PDGFRL: variants seen among roughly 807,000 people sequenced by gnomAD.
PDGFRL encodes platelet-derived growth factor receptor-like protein.
A neutral mutation model predicts 37.2 loss-of-function variants in PDGFRL; 46 were observed. That is an observed-to-expected ratio of 1.24 (90% CI 0.98 to 1.58). The LOEUF (loss-of-function observed/expected upper bound fraction) is 1.58, where lower values mean the gene tolerates loss of function less well. PDGFRL is among the 40% of genes most tolerant of loss of function. The probability of loss-of-function intolerance (pLI) is 0.00; values close to 1 mark genes in which losing one functional copy is unlikely to be tolerated. For synonymous variants in PDGFRL, 251 were observed against 184.3 expected (o/e 1.36, Z -2.93); for missense variants, 692 against 467.6 (o/e 1.48, Z -4.43).
chr8:17,585,783 C>G (rs1419107175), intron 1 of PDGFRL, among the ~76,000 whole-genome samples: 2 of 152,178 alleles, frequency 1.3e-5, no homozygotes, highest in Non-Finnish European at 2.9e-5. Flanking sequence ...AATTTATTTT[C>G]TCCTCCAACA....
At chr8:17,603,642 A>T (rs1232020473) in intron 2 of PDGFRL, among the ~76,000 whole-genome samples, 2 of 152,190 alleles carry the variant, frequency 1.3e-5, no homozygotes, top group East Asian at 3.8e-4. Context: ...CTGTTTTATC[A>T]TAAGCATCTA....
chr8:17,633,601 C>G (rs1804905172), intron 4 of PDGFRL, among the ~76,000 whole-genome samples: 1 of 152,242 alleles, frequency 6.6e-6, no homozygotes, highest in African/African-American at 2.4e-5. Flanking sequence ...GGCAAAGGCA[C>G]TGCAGACCCA....
In PDGFRL at chr8:17,643,021, C is replaced by T. The variant is rs948691996; in HGVS notation, c.*220C>T. ...CTAACAGAAAGCATGATTTTGATTGCTTACCTACATACGTGTTCCTAGTTT... is the reference window on the plus strand; with the variant it reads ...CTAACAGAAAGCATGATTTTGATTGTTTACCTACATACGTGTTCCTAGTTT... On this transcript the variant is annotated 3_prime_UTR_variant, in exon 6 of 6. Transcript: ENST00000251630. 8.2e-6 allele frequency: 4 copies of T among 487,198 alleles called. No homozygotes were observed. The highest frequency in any genetic ancestry group is 1.4e-5 in the Non-Finnish European group (4 of 279,730). The allele number at this position is 487,198 out of a possible 1,614,324, so 30.2% of individuals were successfully genotyped here.
chr8:17,589,440 C>T (rs758620660), intron 1 of PDGFRL, 28 bp from the exon 2 acceptor site: 89 of 1,557,084 alleles, frequency 5.7e-5, no homozygotes, highest in Middle Eastern at 1.9e-4. Flanking sequence ...ATTACTACAG[C>T]GCATTTCTCT....
At chr8:17,589,284 G>A (rs962522374) in intron 1 of PDGFRL, among the ~76,000 whole-genome samples, 184 bp from the exon 2 acceptor site, 1 of 152,000 alleles carries the variant, frequency 6.6e-6, no homozygotes, top group African/African-American at 2.4e-5. Flanking sequence ...TACTCAGGGT[G>A]CTCAGGCAAG....
chr8:17,628,913 GT>G (rs570204623), intron 4 of PDGFRL, 133 bp downstream of exon 4: 13 of 625,312 alleles, frequency 2.1e-5, no homozygotes, highest in African/African-American at 3.7e-5. Context: ...GGTTGTTGTT[GT>G]TTTTTTTTCT....
intron 2 of PDGFRL, among the ~76,000 whole-genome samples, chr8:17,615,938 C>G (rs553854839): frequency 1.8e-4 from 28 of 152,284 alleles, no homozygotes; most frequent in Non-Finnish European, 2.9e-4. Flanking sequence ...GTATTGAGCA[C>G]TTCTCTGTGG....
intron 2 of PDGFRL, among the ~76,000 whole-genome samples, chr8:17,618,007 T>C (rs1047341041): frequency 3.1e-4 from 47 of 151,794 alleles, no homozygotes; most frequent in African/African-American, 1.1e-3. Flanking sequence ...CTTTTTTTTT[T>C]AATTTGCTGA....
intron 2 of PDGFRL, among the ~76,000 whole-genome samples, chr8:17,618,297 C>T (rs1018088085): frequency 4.6e-5 from 7 of 152,284 alleles, no homozygotes; most frequent in African/African-American, 1.7e-4. Flanking sequence ...CTCAAGCGAT[C>T]CTCCTGCCTC....
intron 5 of PDGFRL, 61 bp downstream of exon 5, chr8:17,634,274 T>G: frequency 2.9e-6 from 4 of 1,383,774 alleles, no homozygotes; most frequent in Non-Finnish European, 4.0e-6. Flanking sequence ...AGCCAGCCAT[T>G]TTAATTCACA....
intron 4 of PDGFRL, among the ~76,000 whole-genome samples, chr8:17,629,132 C>T (rs1367283340): frequency 6.8e-6 from 1 of 146,202 alleles, no homozygotes; most frequent in Non-Finnish European, 1.5e-5. Flanking sequence ...GTCTCCCTAC[C>T]TTGCCTGGGC....
At chr8:17,612,496 G>C (rs893425606) in intron 2 of PDGFRL, among the ~76,000 whole-genome samples, 2 of 152,050 alleles carry the variant, frequency 1.3e-5, no homozygotes, top group Non-Finnish European at 2.9e-5. Context: ...TCAGCCTTCT[G>C]AGTAGCTGAG....
intron 2 of PDGFRL, chr8:17,596,223 C>G: frequency 3.6e-6 from 2 of 555,160 alleles, no homozygotes; most frequent in Non-Finnish European, 5.4e-6. Flanking sequence ...CCCCGTGTGA[C>G]TCTGACCGGG....
intron 2 of PDGFRL, among the ~76,000 whole-genome samples, chr8:17,601,783 T>C (rs1804171249): frequency 6.6e-6 from 1 of 152,220 alleles, no homozygotes; most frequent in South Asian, 2.1e-4. Flanking sequence ...TCCATGTTGC[T>C]GCAAAGGACA....
upstream of PDGFRL, chr8:17,577,184 C>T: frequency 1.2e-5 from 19 of 1,566,746 alleles, no homozygotes; most frequent in South Asian, 1.4e-4. Flanking sequence ...CCCTCGCCCG[C>T]CGCCTCCCCT....
Position 17,642,818 on chromosome 8 carries a change from T to G in PDGFRL, c.*17T>G. 1 of 1,543,354 alleles carries G rather than the reference T, an allele frequency of 6.5e-7. No individual in the cohort carries two copies. Among genetic ancestry groups the G allele is most frequent in the South Asian group, 1.1e-5 (1 of 88,968 alleles). On this transcript the variant is annotated 3_prime_UTR_variant, in exon 6 of 6. Coordinates refer to ENST00000251630, the MANE Select transcript of PDGFRL (RefSeq NM_001372073.1). ...TTTTCCTGACTTGGAAAAGGAAATG[T>G]AATGAACTTATGGAAAGCCCATTTG...
intron 1 of PDGFRL, among the ~76,000 whole-genome samples, chr8:17,583,509 T>G (rs1450433819): frequency 3.3e-5 from 5 of 152,156 alleles, no homozygotes; most frequent in African/African-American, 4.8e-5. Context: ...TTTCGGGGAC[T>G]ATTGGGAAAG....
chr8:17,598,896 G>A (rs181635367), intron 2 of PDGFRL, among the ~76,000 whole-genome samples: 5 of 152,228 alleles, frequency 3.3e-5, no homozygotes, highest in African/African-American at 4.8e-5. Flanking sequence ...CAGCTACCAC[G>A]TAAGACATCC....
rs1804390204 is a variant in PDGFRL at position 17,610,589 on chromosome 8, CA to C, written c.354-10459del. ...CATATACATCTGAGTTATATGGTCA[CA>C]AAGTTTGAAAGATGACCTTGTCAAA... is the stretch of plus-strand genomic sequence containing the variant. On this transcript the variant is annotated intron_variant, in intron 2 of 5. Transcript: ENST00000251630. Among the ~76,000 whole-genome samples the C allele has an allele frequency of 3.3e-5, 5 of 152,260 alleles. No individual in the cohort carries two copies. The South Asian group carries it at 1.0e-3, about 32-fold the overall frequency.
Sources: gnomAD v4.1 joint callset for allele counts (sites outside exome capture counted in the v4.1 genomes callset) on GRCh38, gnomAD v4.1.1 for gene constraint, MANE v1.5 for transcripts, NCBI Gene and HGNC (gene_info 2026-07-23, HGNC 2026-07-21) for gene names.